Variants in PKN2 observed in about 807,000 individuals in gnomAD.
PKN2 encodes the protein serine/threonine-protein kinase N2.
Under a neutral mutation model 119.1 loss-of-function variants are expected in PKN2, and 38 were observed. The ratio of observed to expected loss-of-function variants is 0.32; its 90% confidence interval spans 0.25 to 0.42. PKN2 has a LOEUF of 0.42. PKN2 is among the 10% of genes least tolerant of loss of function. PKN2 has a pLI of 1.00. For missense variants in PKN2, 850 were observed against 1,165.1 expected (o/e 0.73, Z 3.94); for synonymous variants, 390 against 384.9 (o/e 1.01, Z -0.15).
intron 21 of PKN2, 34 bp from the exon 22 acceptor site, chr1:88,833,211 A>C (rs1251014324): frequency 6.3e-7 from 1 of 1,578,882 alleles, no homozygotes; most frequent in Non-Finnish European, 8.6e-7. Context: ...AGATTTAACA[A>C]ACTAAACTAG....
chr1:88,753,764 G>T (rs1278918505), intron 2 of PKN2, among the ~76,000 whole-genome samples: 4 of 151,730 alleles, frequency 2.6e-5, no homozygotes, highest in Non-Finnish European at 5.9e-5. Flanking sequence ...GTACTAAACC[G>T]CTCATTAAAG....
At chr1:88,765,677 C>G (rs1259066674) in intron 3 of PKN2, among the ~76,000 whole-genome samples, 2 of 152,118 alleles carry the variant, frequency 1.3e-5, no homozygotes, top group Non-Finnish European at 2.9e-5. Context: ...TTGTCGTCGT[C>G]GTCGTTATAA....
At chr1:88,692,227 CTACTT>C (rs1372185186) in intron 1 of PKN2, among the ~76,000 whole-genome samples, 2 of 151,908 alleles carry the variant, frequency 1.3e-5, no homozygotes, top group Non-Finnish European at 2.9e-5. Context: ...TTCATTAACT[CTACTT>C]TGGTGGATAT....
rs376533954 is a variant in PKN2, at chr1:88,794,771, A to G, written c.1281+8558A>G. ...TGATTCTTCAGGATATTTTCATGCT[A>G]TCAGCCCCTTCCAAACTTAATTTTC... is the stretch of plus-strand genomic sequence containing the variant. On this transcript the variant is annotated intron_variant, in intron 8 of 21. Transcript: ENST00000370521. 5.9e-5 allele frequency among the ~76,000 whole-genome samples: 9 copies of G among 152,216 alleles called. No homozygotes were observed. The East Asian group carries it at 1.2e-3, about 20-fold the overall frequency.
intron 1 of PKN2, among the ~76,000 whole-genome samples, chr1:88,708,220 A>T (rs1031741396): frequency 2.0e-5 from 3 of 152,026 alleles, no homozygotes; most frequent in African/African-American, 4.8e-5. Flanking sequence ...AACCTGTTAA[A>T]CCTGTAGATC....
At position 88,804,910 on chromosome 1, in the gene PKN2, C is replaced by G; in HGVS notation, c.1490C>G (p.Ser497Ter). ...CTTCAAAGACAAAAGAAAATTTTTTCAAAGCAACAAGGTAATTACTAACAA... is the reference window on the plus strand; with the variant it reads ...CTTCAAAGACAAAAGAAAATTTTTTGAAAGCAACAAGGTAATTACTAACAA... ...PKLQRQKKIF[S>*]KQQGKTFLRA... Residue 497 changes from serine to a stop codon, truncating the protein, a stop_gained, in exon 10 of 22, where the codon TCA (serine) becomes TGA (stop). Transcript: ENST00000370521. LOFTEE classifies it high-confidence loss of function. 6.7e-7 allele frequency: 1 copy of G among 1,491,192 alleles called. No individual in the cohort carries two copies. The highest frequency in any genetic ancestry group is 9.3e-7 in the Non-Finnish European group (1 of 1,077,686). 92.4% of individuals were successfully genotyped at this position (1,491,192 alleles called of 1,614,324 possible). A position where few individuals can be genotyped will look rare whatever the true frequency, so the allele number is the denominator to read the frequency against.
chr1:88,690,688 A>G (rs531472426), intron 1 of PKN2, among the ~76,000 whole-genome samples: 46 of 152,192 alleles, frequency 3.0e-4, no homozygotes, highest in Non-Finnish European at 4.9e-4. Context: ...AACTAGCTCT[A>G]TTATCATACT....
chr1:88,784,605 G>T, intron 6 of PKN2, 34 bp from the exon 7 acceptor site: 1 of 1,343,480 alleles, frequency 7.4e-7, no homozygotes, highest in South Asian at 1.5e-5. Context: ...ATTAAGGGTT[G>T]ATGTTCTTAT....
At chr1:88,802,987 T>G (rs940766283) in intron 8 of PKN2, among the ~76,000 whole-genome samples, 4 of 152,218 alleles carry the variant, frequency 2.6e-5, no homozygotes, top group Non-Finnish European at 5.9e-5. Context: ...TTTCACAAAA[T>G]AACTGCTTCC....
intron 1 of PKN2, among the ~76,000 whole-genome samples, chr1:88,703,438 T>C (rs1666852630): frequency 1.3e-5 from 2 of 152,254 alleles, no homozygotes; most frequent in South Asian, 4.1e-4. Context: ...ATTTTTGTTA[T>C]TTATATATTT....
At chr1:88,726,526 A>G (rs898205487) in intron 1 of PKN2, among the ~76,000 whole-genome samples, 1 of 152,118 alleles carries the variant, frequency 6.6e-6, no homozygotes, top group Non-Finnish European at 1.5e-5. Context: ...AGTAAACCCT[A>G]CTGTGTTGTA....
chr1:88,716,543 T>C (rs1667464097), intron 1 of PKN2, among the ~76,000 whole-genome samples: 1 of 152,236 alleles, frequency 6.6e-6, no homozygotes, highest in Non-Finnish European at 1.5e-5. Flanking sequence ...TTTACTATTA[T>C]GTAATGGCCT....
At chr1:88,766,632 A>G (rs1359866809) in intron 3 of PKN2, among the ~76,000 whole-genome samples, 1 of 152,116 alleles carries the variant, frequency 6.6e-6, no homozygotes, top group Non-Finnish European at 1.5e-5. Flanking sequence ...AGACACTGGC[A>G]TTTTCATGTA....
chr1:88,815,910 C>A (rs907223911), intron 16 of PKN2, among the ~76,000 whole-genome samples: 1 of 152,140 alleles, frequency 6.6e-6, no homozygotes, highest in African/African-American at 2.4e-5. Context: ...GAGGCAGAGG[C>A]AGGCAGATCA....
chr1:88,758,901 C>A (rs1383755779), intron 2 of PKN2, among the ~76,000 whole-genome samples: 1 of 152,056 alleles, frequency 6.6e-6, no homozygotes, highest in Non-Finnish European at 1.5e-5. Context: ...GGGTATATAC[C>A]CAGTAATGGG....
intron 2 of PKN2, among the ~76,000 whole-genome samples, chr1:88,748,307 G>A (rs565435349): frequency 6.6e-6 from 1 of 152,160 alleles, no homozygotes; most frequent in African/African-American, 2.4e-5. Flanking sequence ...TGTCACTATA[G>A]TTCTCTTTTG....
At chr1:88,805,357 T>C (rs1671494655) in intron 10 of PKN2, 140 bp from the exon 11 acceptor site, 2 of 664,814 alleles carry the variant, frequency 3.0e-6, no homozygotes, top group Non-Finnish European at 5.0e-6. Context: ...TAGCAAATAG[T>C]AAAAAACTAG....
chr1:88,801,226 A>G (rs1006651060), intron 8 of PKN2, among the ~76,000 whole-genome samples: 5 of 152,096 alleles, frequency 3.3e-5, no homozygotes, highest in Non-Finnish European at 7.4e-5. Context: ...CTCTATTAAA[A>G]ATACAAAAAT....
chr1:88,705,116 ATCTTTTCTTT>A lies in PKN2; in HGVS notation c.48+20500_48+20509del, dbSNP rs540483763. Among the ~76,000 whole-genome samples, 448 of 151,218 alleles carry A rather than the reference ATCTTTTCTTT, an allele frequency of 3.0e-3. 4 individuals carry two copies. Among genetic ancestry groups the A allele is most frequent in the African/African-American group, 0.01 (424 of 41,320 alleles). On this transcript the variant is annotated intron_variant, in intron 1 of 21. Transcript: ENST00000370521. The stretch of plus-strand genomic sequence containing the variant: ...GCAAATATTTTCAATTCTGTAGCTT[ATCTTTTCTTT>A]TCTTTTCTTTTTTTTTTTAAACAGT...
Sources: allele counts gnomAD v4.1 joint callset (sites outside exome capture counted in the v4.1 genomes callset), GRCh38; gene constraint gnomAD v4.1.1; transcripts MANE v1.5; gene names NCBI Gene and HGNC (gene_info 2026-07-23, HGNC 2026-07-21).